UNC13C: variants seen among roughly 807,000 people sequenced by gnomAD.
The protein encoded by UNC13C is protein unc-13 homolog C.
UNC13C carries 174 observed loss-of-function variants against 245.4 expected under a neutral mutation model. The ratio of observed to expected loss-of-function variants is 0.71; its 90% CI spans 0.63 to 0.80. The LOEUF is 0.80. Among genes scored for constraint, UNC13C ranks in the 30% least tolerant of loss-of-function variants. The pLI is 0.00. For missense variants in UNC13C, 2,829 were observed against 2,602.9 expected (o/e 1.09, Z -1.89); for synonymous variants, 992 against 895.1 (o/e 1.11, Z -1.93).
intron 30 of UNC13C, among the ~76,000 whole-genome samples, chr15:54,581,941 TAGTC>T (rs1043017985): frequency 2.4e-4 from 37 of 152,186 alleles, no homozygotes; most frequent in African/African-American, 8.7e-4. Context: ...AGGCTGGTCT[TAGTC>T]AGTGGGAGAC....
intron 19 of UNC13C, among the ~76,000 whole-genome samples, chr15:54,471,775 A>G (rs1892475094): frequency 6.6e-6 from 1 of 151,630 alleles, no homozygotes; most frequent in African/African-American, 2.4e-5. Context: ...TGTTTGATGT[A>G]GTTCAAATTA....
the UNC13C span, among the ~76,000 whole-genome samples, chr15:53,854,155 C>G: frequency 8.1e-6 from 1 of 123,028 alleles, no homozygotes; most frequent in Non-Finnish European, 1.7e-5. Flanking sequence ...GAGTTTCACT[C>G]TGCCACCCAG....
rs1895609096 is a variant in UNC13C, at chr15:54,015,501, T to A, written c.2598T>A (p.Asp866Glu). 4 of 1,612,658 alleles carry A rather than the reference T, an allele frequency of 2.5e-6. No homozygotes were observed. The highest frequency in any genetic ancestry group is 3.3e-5 in the Admixed American group (2 of 59,920). Reference sequence around the variant, plus strand: ...ACTATAAAGCAGAGGATGAGGAAGATTATACTGAACCAGTGGCTGACAATG... The same window carrying A: ...ACTATAAAGCAGAGGATGAGGAAGAATATACTGAACCAGTGGCTGACAATG... ...PYYYKAEDEE[D>E]YTEPVADNET... is the part of the protein sequence containing the mutation. Residue 866 changes from aspartate (D) to glutamate (E), a missense_variant, in exon 2 of 33, where the codon GAT becomes GAA. By Grantham distance (45) the Asp-to-Glu change is conservative. Coordinates refer to ENST00000260323, the MANE Select transcript of UNC13C (RefSeq NM_001080534.3).
At chr15:54,366,620 T>C (rs1323088433) in intron 17 of UNC13C, among the ~76,000 whole-genome samples, 1 of 152,172 alleles carries the variant, frequency 6.6e-6, no homozygotes, top group African/African-American at 2.4e-5. Flanking sequence ...TTTTAGAAAA[T>C]AATTAACTCT....
At chr15:54,277,589 T>C (rs1308125899) in intron 10 of UNC13C, among the ~76,000 whole-genome samples, 1 of 152,214 alleles carries the variant, frequency 6.6e-6, no homozygotes, top group African/African-American at 2.4e-5. Context: ...ATTAAGTATA[T>C]GTGCTGGGAA....
rs773382047 is a variant in UNC13C, at chr15:54,250,220, CA to C, written c.3229-4del. Reference sequence around the variant, plus strand: ...GTGCATTGGTAACTTCTCTCATGTTCACAGAAAATGCACGTCTTCAAGAAGA... The same window carrying C: ...GTGCATTGGTAACTTCTCTCATGTTCCAGAAAATGCACGTCTTCAAGAAGA... On this transcript the variant is annotated splice_polypyrimidine_tract_variant and splice_region_variant and intron_variant, in intron 7 of 32. Coordinates refer to ENST00000260323, the MANE Select transcript of UNC13C (RefSeq NM_001080534.3). The C allele has an allele frequency of 6.2e-7, 1 of 1,613,538 alleles. No homozygotes were observed. Among genetic ancestry groups the C allele is most frequent in the South Asian group, 1.1e-5 (1 of 91,044 alleles).
rs184710232 is a variant in UNC13C at position 54,183,512 on chromosome 15, T to C, written c.3071+39828T>C. Among the ~76,000 whole-genome samples, 135 of 152,054 alleles carry C rather than the reference T, an allele frequency of 8.9e-4. 1 individual carries two copies. Among genetic ancestry groups the C allele is most frequent in the Non-Finnish European group, 1.6e-3 (112 of 67,950 alleles). On this transcript the variant is annotated intron_variant, in intron 4 of 32. Coordinates refer to ENST00000260323, the MANE Select transcript of UNC13C (RefSeq NM_001080534.3). ...CCTCAATCACTTTTTATTGAAATGA[T>C]TACTATTTGCCATGTGTGACTATTT...
At chr15:53,878,840 A>AC in the UNC13C span, among the ~76,000 whole-genome samples, 3 of 152,262 alleles carry the variant, frequency 2.0e-5, no homozygotes, top group Middle Eastern at 3.4e-3. Flanking sequence ...CATGGAACCA[A>AC]CCAACCAAAT....
intron 17 of UNC13C, among the ~76,000 whole-genome samples, chr15:54,386,139 C>A (rs2039832084): frequency 6.6e-6 from 1 of 152,106 alleles, no homozygotes; most frequent in South Asian, 2.1e-4. Flanking sequence ...CAGGTCTTGG[C>A]ATTGAGGCTA....
At chr15:54,475,284 A>T (rs12910519) in intron 19 of UNC13C, among the ~76,000 whole-genome samples, 54 of 1,726 alleles carry the variant, frequency 0.031, no homozygotes, top group South Asian at 0.25. Flanking sequence ...TTTTTTGTTT[A>T]TTATTATTAT....
At chr15:54,086,832 T>C (rs1435230153) in intron 2 of UNC13C, among the ~76,000 whole-genome samples, 4 of 139,672 alleles carry the variant, frequency 2.9e-5, no homozygotes, top group Non-Finnish European at 3.1e-5. Flanking sequence ...GCCCTCCAAG[T>C]TCAATGGATT....
intron 2 of UNC13C, among the ~76,000 whole-genome samples, chr15:54,142,038 A>G (rs2032046958): frequency 1.3e-5 from 2 of 152,188 alleles, no homozygotes; most frequent in Admixed American, 1.3e-4. Context: ...CAGCTCTAGC[A>G]TTTTGCCAAC....
At chr15:54,418,774 C>T (rs911323839) in intron 19 of UNC13C, among the ~76,000 whole-genome samples, 7 of 151,982 alleles carry the variant, frequency 4.6e-5, no homozygotes, top group Non-Finnish European at 2.9e-5. Context: ...AATTAGCATC[C>T]GCTTTTCACC....
chr15:54,468,197 C>T (rs1455254616), intron 19 of UNC13C, among the ~76,000 whole-genome samples: 4 of 151,546 alleles, frequency 2.6e-5, no homozygotes, highest in Admixed American at 2.6e-4. Context: ...TTTTAATTTG[C>T]ATTTATCTGA....
chr15:54,030,122 C>T (rs533480597), intron 2 of UNC13C, among the ~76,000 whole-genome samples: 3 of 152,172 alleles, frequency 2.0e-5, no homozygotes, highest in East Asian at 1.9e-4. Context: ...GCTTTTTCTC[C>T]ACCTCTACCT....
At chr15:54,378,609 T>C (rs1463739766) in intron 17 of UNC13C, among the ~76,000 whole-genome samples, 1 of 151,410 alleles carries the variant, frequency 6.6e-6, no homozygotes, top group Non-Finnish European at 1.5e-5. Flanking sequence ...CTATCAGAAA[T>C]ATAGAAATAT....
chr15:53,945,166 A>G, the UNC13C span, among the ~76,000 whole-genome samples: 1 of 151,848 alleles, frequency 6.6e-6, no homozygotes, highest in African/African-American at 2.4e-5. Flanking sequence ...TGTCAGATGC[A>G]TAGTTTGCAA....
chr15:54,286,843 A>C (rs934919091), intron 10 of UNC13C, among the ~76,000 whole-genome samples: 2 of 152,168 alleles, frequency 1.3e-5, no homozygotes, highest in African/African-American at 4.8e-5. Context: ...CCAGAAAAGG[A>C]GTATATTTTT....
intron 10 of UNC13C, among the ~76,000 whole-genome samples, chr15:54,286,100 C>T (rs1356391257): frequency 2.6e-5 from 4 of 152,078 alleles, no homozygotes; most frequent in African/African-American, 9.6e-5. Flanking sequence ...AGGCTGGTCT[C>T]GAACTCCTGA....
Sources: allele counts gnomAD v4.1 joint callset (sites outside exome capture counted in the v4.1 genomes callset), GRCh38; gene constraint gnomAD v4.1.1; transcripts MANE v1.5; gene names NCBI Gene and HGNC (gene_info 2026-07-23, HGNC 2026-07-21).